WWOX: variants seen among roughly 807,000 people sequenced by gnomAD.
WWOX encodes WW domain containing oxidoreductase.
In WWOX, 69 loss-of-function variants were observed where a neutral mutation model predicts 46.2. The ratio of observed to expected loss-of-function variants is 1.49; its 90% CI spans 1.23 to 1.82. WWOX has a LOEUF of 1.82. WWOX is among the 40% of genes most tolerant of loss of function. The pLI is 0.00. For synonymous variants in WWOX, 359 were observed against 202.6 expected, an observed-to-expected ratio of 1.77 and a Z score of -6.56; for missense variants, 919 against 542.6, an observed-to-expected ratio of 1.69 and a Z score of -6.89.
Position 78,424,748 on chromosome 16 carries a change from G to A in WWOX, c.606-122G>A, listed in dbSNP as rs1041274550. 3.0e-5 allele frequency: 33 copies of A among 1,105,378 alleles called. No homozygotes were observed. In the African/African-American group the frequency reaches 3.6e-4, roughly 12 times the overall value. 68.5% of individuals were successfully genotyped at this position (1,105,378 alleles called of 1,614,324 possible). On this transcript the variant is annotated intron_variant, in intron 6 of 8. Coordinates refer to ENST00000566780, the MANE Select transcript of WWOX (RefSeq NM_016373.4). ...GGAGAAAGAATTTCTCATTCCCGAA[G>A]GAGCATGGATTATCCTTGGTTGTAG... is the stretch of plus-strand genomic sequence containing the variant.
At chr16:79,116,361 T>A (rs2049515899) in intron 8 of WWOX, among the ~76,000 whole-genome samples, 1 of 152,226 alleles carries the variant, frequency 6.6e-6, no homozygotes, top group African/African-American at 2.4e-5. Context: ...ATCTCAAAAG[T>A]GGAATCAGTT....
At chr16:78,922,547 T>A (rs1383710217) in intron 8 of WWOX, among the ~76,000 whole-genome samples, 1 of 151,986 alleles carries the variant, frequency 6.6e-6, no homozygotes, top group Non-Finnish European at 1.5e-5. Flanking sequence ...CCCAGCTAAT[T>A]TTTGTATTTT....
At chr16:78,910,062 T>C (rs2151254095) in intron 8 of WWOX, among the ~76,000 whole-genome samples, 1 of 152,346 alleles carries the variant, frequency 6.6e-6, no homozygotes, top group South Asian at 2.1e-4. Context: ...TGTCATATAT[T>C]TATGTTATTA....
chr16:79,131,266 G>A (rs1410179129), intron 8 of WWOX, among the ~76,000 whole-genome samples: 2 of 152,088 alleles, frequency 1.3e-5, no homozygotes, highest in African/African-American at 2.4e-5. Context: ...AATATTAGAA[G>A]CAAAAGAAGA....
chr16:78,866,038 A>G (rs1023322375), intron 8 of WWOX, among the ~76,000 whole-genome samples: 1 of 152,246 alleles, frequency 6.6e-6, no homozygotes, highest in Non-Finnish European at 1.5e-5. Context: ...TCCGTGAGTC[A>G]TAGACTCACT....
At chr16:78,822,069 G>T (rs1230458911) in intron 8 of WWOX, among the ~76,000 whole-genome samples, 2 of 152,010 alleles carry the variant, frequency 1.3e-5, no homozygotes, top group African/African-American at 4.8e-5. Context: ...TAGAGATGGG[G>T]TCTCAGTGCA....
chr16:78,579,803 G>T (rs1185423636), intron 8 of WWOX, among the ~76,000 whole-genome samples: 1 of 152,118 alleles, frequency 6.6e-6, no homozygotes, highest in South Asian at 2.1e-4. Flanking sequence ...AATCTCCTAC[G>T]GTGATACCTG....
At chr16:78,620,625 T>C (rs1203525236) in intron 8 of WWOX, among the ~76,000 whole-genome samples, 5 of 152,188 alleles carry the variant, frequency 3.3e-5, no homozygotes, top group Non-Finnish European at 5.9e-5. Context: ...CATTTTAGTA[T>C]TTGTCAGTGT....
intron 8 of WWOX, among the ~76,000 whole-genome samples, chr16:79,062,849 G>T (rs192623063): frequency 2.6e-5 from 4 of 152,138 alleles, no homozygotes; most frequent in Admixed American, 2.6e-4. Context: ...ATGTCGAATC[G>T]GCATTGAAGG....
intron 6 of WWOX, among the ~76,000 whole-genome samples, chr16:78,403,219 A>T (rs1039290712): frequency 4.6e-5 from 7 of 152,152 alleles, no homozygotes; most frequent in Admixed American, 4.6e-4. Context: ...TATTGTTTGT[A>T]AGTTGTAAGT....
chr16:78,802,052 C>G (rs949638896), intron 8 of WWOX, among the ~76,000 whole-genome samples: 1 of 152,000 alleles, frequency 6.6e-6, no homozygotes, highest in Non-Finnish European at 1.5e-5. Flanking sequence ...CCTGGCTCTG[C>G]TGGTTATTAT....
chr16:79,211,231 A>G (rs745671615), intron 8 of WWOX, among the ~76,000 whole-genome samples: 1 of 152,156 alleles, frequency 6.6e-6, no homozygotes, highest in African/African-American at 2.4e-5. Flanking sequence ...ATCGAATTAC[A>G]TTATACATGG....
intron 8 of WWOX, among the ~76,000 whole-genome samples, chr16:78,677,831 T>C (rs1179731812): frequency 6.6e-6 from 1 of 152,220 alleles, no homozygotes; most frequent in Non-Finnish European, 1.5e-5. Context: ...TCCTTTATGG[T>C]GTCCTTCTGA....
chr16:79,003,222 C>G (rs898674681), intron 8 of WWOX, among the ~76,000 whole-genome samples: 1 of 152,144 alleles, frequency 6.6e-6, no homozygotes, highest in Non-Finnish European at 1.5e-5. Context: ...GGATAAGCTG[C>G]TTGTAATTTA....
At chr16:78,836,408 G>A (rs2051985645) in intron 8 of WWOX, among the ~76,000 whole-genome samples, 2 of 152,136 alleles carry the variant, frequency 1.3e-5, no homozygotes, top group Non-Finnish European at 2.9e-5. Flanking sequence ...TGGGATTGAG[G>A]TCTCCTGAAA....
chr16:78,471,911 C>T (rs946548721), intron 8 of WWOX, among the ~76,000 whole-genome samples: 7 of 151,904 alleles, frequency 4.6e-5, no homozygotes, highest in African/African-American at 1.2e-4. Flanking sequence ...TTCCAGATAA[C>T]GGTTATCAGT....
intron 8 of WWOX, chr16:78,756,858 G>C: frequency 2.9e-6 from 2 of 700,148 alleles, no homozygotes; most frequent in South Asian, 1.5e-5. Flanking sequence ...GGGTATTGCA[G>C]ACATCAGAGC....
Position 78,339,423 on chromosome 16 carries a change from G to A in WWOX, c.517-47437G>A, listed in dbSNP as rs181500893. Among the ~76,000 whole-genome samples, 6 of 116,530 alleles carry A rather than the reference G, an allele frequency of 5.1e-5. No homozygotes were observed. The East Asian group carries it at 1.2e-3, about 23-fold the overall frequency. 76.4% of individuals were successfully genotyped at this position (116,530 alleles called of 152,430 possible). A position where few individuals can be genotyped will look rare whatever the true frequency, so the allele number is the denominator to read the frequency against. On this transcript the variant is annotated intron_variant, in intron 5 of 8. Coordinates refer to ENST00000566780, the MANE Select transcript of WWOX (RefSeq NM_016373.4). ...TTTGTACCTTCTGCAGTTTGGGGTT[G>A]TTGTCCTTTTTGCTTGGTGCACAGG...
At chr16:78,775,089 C>A (rs1382355512) in intron 8 of WWOX, among the ~76,000 whole-genome samples, 2 of 152,138 alleles carry the variant, frequency 1.3e-5, no homozygotes, top group Non-Finnish European at 2.9e-5. Flanking sequence ...AGAAGAGTGA[C>A]AGAGTCACCA....
Sources: gnomAD v4.1 joint callset for allele counts (sites outside exome capture counted in the v4.1 genomes callset) on GRCh38, gnomAD v4.1.1 for gene constraint, MANE v1.5 for transcripts, NCBI Gene and HGNC (gene_info 2026-07-23, HGNC 2026-07-21) for gene names.